The following ATF3 variants were observed in gnomAD, a reference collection of about 807,000 sequenced individuals.
The protein encoded by ATF3 is activating transcription factor 3.
In ATF3, 10 loss-of-function variants were observed where a neutral mutation model predicts 18.4. That is an observed-to-expected ratio of 0.54 (90% CI 0.34 to 0.92). The LOEUF (loss-of-function observed/expected upper bound fraction) is 0.92. Among genes scored for constraint, ATF3 ranks in the 40% least tolerant of loss-of-function variants. The probability of loss-of-function intolerance (pLI) is 0.02; values close to 1 mark genes in which losing one functional copy is unlikely to be tolerated. For synonymous variants in ATF3, 78 were observed against 87.9 expected, an observed-to-expected ratio of 0.89 and a Z score of 0.63; for missense variants, 183 against 222.3, an observed-to-expected ratio of 0.82 and a Z score of 1.12.
At chr1:212,574,439 G>T (rs1470068207) in intron 1 of ATF3, among the ~76,000 whole-genome samples, 2 of 151,352 alleles carry the variant, frequency 1.3e-5, no homozygotes, top group Non-Finnish European at 3.0e-5. Context: ...CTCTCATTTT[G>T]GTATATTCAT....
chr1:212,578,187 T>C (rs538422824), intron 1 of ATF3, among the ~76,000 whole-genome samples: 1 of 152,346 alleles, frequency 6.6e-6, no homozygotes, highest in African/African-American at 2.4e-5. Context: ...TCAGCTGCAA[T>C]TTATCTTCAC....
chr1:212,583,193 T>A (rs570912172), intron 1 of ATF3, among the ~76,000 whole-genome samples: 43 of 152,312 alleles, frequency 2.8e-4, no homozygotes, highest in Admixed American at 1.2e-3. Context: ...TCCACTGCTT[T>A]TTAGCTGTGT....
At chr1:212,572,004 G>A (rs113683093) in intron 1 of ATF3, among the ~76,000 whole-genome samples, 4,493 of 152,070 alleles carry the variant, frequency 0.03, 215 homozygotes, top group African/African-American at 0.1. Context: ...GAGCCACCGC[G>A]CCCGGCCGCC....
rs771078775 is a variant in ATF3 at position 212,619,362 on chromosome 1, C to T, written c.353C>T (p.Ser118Leu). 1.4e-5 allele frequency: 22 copies of T among 1,613,086 alleles called. No homozygotes were observed. The highest frequency in any genetic ancestry group is 1.8e-5 in the Non-Finnish European group (21 of 1,180,010). ...CCTCTGTTGCTTGTCCCCCAGGAGT[C>T]GGAGAAGCTGGAAAGTGTGAATGCT... ...KEKTECLQKESEKLESVNAEL... is the reference protein window; with the variant it reads ...KEKTECLQKELEKLESVNAEL... The change falls in exon 4 of 4, where the codon TCG (serine) becomes TTG (leucine). Residue 118 changes from serine to leucine, a missense_variant. Transcript: ENST00000341491. The surrounding 1 kb of genome is among the most constrained non-coding windows in gnomAD (Gnocchi z 4.4).
intron 1 of ATF3, among the ~76,000 whole-genome samples, chr1:212,613,046 AG>A (rs928087166): frequency 4.6e-5 from 7 of 152,188 alleles, no homozygotes; most frequent in African/African-American, 1.4e-4. Flanking sequence ...AGCCACGGGG[AG>A]GTACAATGAT....
intron 1 of ATF3, among the ~76,000 whole-genome samples, chr1:212,567,023 G>A (rs574210469): frequency 1.3e-5 from 2 of 152,316 alleles, no homozygotes; most frequent in Admixed American, 1.3e-4. Flanking sequence ...TAGGGGTAGC[G>A]ATTTTACTTA....
Position 212,618,070 on chromosome 1 carries a change from T to C in ATF3, c.241-57T>C. ...TTGCTGGCAGTAAAAGGCAGTGTAT[T>C]TGAGGTAGGTGGCATTTCTTACTGC... On this transcript the variant is annotated intron_variant, in intron 2 of 3. Transcript: ENST00000341491. The surrounding 1 kb of genome is among the most constrained non-coding windows in gnomAD (Gnocchi z 4.4). 6.4e-7 allele frequency: 1 copy of C among 1,557,960 alleles called. No individual in the cohort carries two copies. Among genetic ancestry groups the C allele is most frequent in the Non-Finnish European group, 8.8e-7 (1 of 1,130,886 alleles).
At chr1:212,613,413 A>G (rs1034805186) in intron 1 of ATF3, 1 of 152,248 alleles carries the variant, frequency 6.6e-6, no homozygotes, top group Non-Finnish European at 1.5e-5. Flanking sequence ...AATTAAGGGC[A>G]TGAATCCTGG....
intron 1 of ATF3, among the ~76,000 whole-genome samples, chr1:212,577,780 A>C (rs1473670550): frequency 6.6e-6 from 1 of 152,204 alleles, no homozygotes; most frequent in East Asian, 1.9e-4. Flanking sequence ...CAGCTGAATA[A>C]TATTTCATTG....
chr1:212,588,626 A>AAC (rs1553302073), intron 1 of ATF3, among the ~76,000 whole-genome samples: 2 of 112,636 alleles, frequency 1.8e-5, no homozygotes. Flanking sequence ...TATAATGAAA[A>AAC]AACAACAACC....
At chr1:212,588,033 T>C (rs1664812198) in intron 1 of ATF3, among the ~76,000 whole-genome samples, 1 of 151,824 alleles carries the variant, frequency 6.6e-6, no homozygotes, top group Non-Finnish European at 1.5e-5. Context: ...GGGAGGTGAG[T>C]GAGAGGGAGA....
intron 1 of ATF3, among the ~76,000 whole-genome samples, chr1:212,576,081 T>G (rs1399870824): frequency 6.6e-6 from 1 of 152,190 alleles, no homozygotes; most frequent in Non-Finnish European, 1.5e-5. Context: ...GGTAAATGTT[T>G]GGGCCTGATG....
upstream of ATF3, among the ~76,000 whole-genome samples, chr1:212,603,776 A>ATGTGTGTGTG (rs145857442): frequency 0.02 from 3,058 of 149,588 alleles, 115 homozygotes; most frequent in African/African-American, 0.068. Context: ...GTGTATATAT[A>ATGTGTGTGTG]TGTGTGTGTG....
At chr1:212,569,880 G>C (rs908860944) in intron 1 of ATF3, among the ~76,000 whole-genome samples, 1 of 151,894 alleles carries the variant, frequency 6.6e-6, no homozygotes, top group Non-Finnish European at 1.5e-5. Flanking sequence ...TCCTCAAAAA[G>C]AATCAACATA....
intron 1 of ATF3, among the ~76,000 whole-genome samples, chr1:212,573,943 G>GT (rs3049934): frequency 0.29 from 43,240 of 149,244 alleles, 6,447 homozygotes; most frequent in South Asian, 0.37. Flanking sequence ...TATTCATAGG[G>GT]TTTTTTTTTC....
intron 1 of ATF3, among the ~76,000 whole-genome samples, chr1:212,570,102 A>G (rs1457470082): frequency 1.3e-5 from 2 of 150,662 alleles, no homozygotes; most frequent in African/African-American, 4.8e-5. Context: ...GTTTTATAAT[A>G]TGTAAAATAT....
intron 1 of ATF3, among the ~76,000 whole-genome samples, chr1:212,582,452 G>A (rs1467158400): frequency 6.6e-6 from 1 of 152,268 alleles, no homozygotes; most frequent in African/African-American, 2.4e-5. Flanking sequence ...ACTTCTCCAA[G>A]GGGAGGGCTG....
rs138144255 is a variant in ATF3, at chr1:212,615,092, C to G, written c.71C>G (p.Ser24Cys). Residue 24 changes from serine (S) to cysteine (C), a missense_variant, in exon 2 of 4, where the codon TCC becomes TGC. Physicochemically the swap from Ser to Cys is moderately radical, Grantham distance 112 (BLOSUM62 -1). Coordinates refer to ENST00000341491, the MANE Select transcript of ATF3 (RefSeq NM_001674.4). The part of the protein sequence containing the change: ...VSASAIVPCL[S>C]PPGSLVFEDF... ...GCTTCTGCCATCGTCCCCTGCCTGT[C>G]CCCTCCTGGGTCACTGGTGTTTGAG... 204 of 1,614,166 alleles carry G rather than the reference C, an allele frequency of 1.3e-4. No individual in the cohort carries two copies. In the African/African-American group the frequency reaches 2.5e-3, roughly 19 times the overall value.
At chr1:212,590,494 G>A (rs1465772780) in intron 1 of ATF3, among the ~76,000 whole-genome samples, 1 of 152,152 alleles carries the variant, frequency 6.6e-6, no homozygotes, top group South Asian at 2.1e-4. Context: ...ATTTTTAAAA[G>A]AGGTCGTTAA....
Sources: allele counts gnomAD v4.1 joint callset (sites outside exome capture counted in the v4.1 genomes callset), GRCh38; gene constraint gnomAD v4.1.1; non-coding constraint Gnocchi (gnomAD v3.1); transcripts MANE v1.5; gene names NCBI Gene and HGNC (gene_info 2026-07-23, HGNC 2026-07-21).